TRIO: variants seen among roughly 807,000 people sequenced by gnomAD.
TRIO encodes the protein triple functional domain protein.
In TRIO, 58 loss-of-function variants were observed where a neutral mutation model predicts 351.9. The observed-to-expected ratio is 0.16, with a 90% confidence interval of 0.13 to 0.21. The LOEUF (loss-of-function observed/expected upper bound fraction) is 0.21, where lower values mean the gene tolerates loss of function less well. Among genes scored for constraint, TRIO ranks in the 10% least tolerant of loss-of-function variants. The pLI is 1.00. For synonymous variants in TRIO, 1,758 were observed against 1,595.7 expected (o/e 1.10, Z -2.42); for missense variants, 3,201 against 4,027.8 (o/e 0.79, Z 5.56).
At chr5:14,251,617 CA>C (rs891785775) in intron 1 of TRIO, among the ~76,000 whole-genome samples, 3 of 152,222 alleles carry the variant, frequency 2.0e-5, no homozygotes, top group Non-Finnish European at 4.4e-5. Context: ...TCCCTCTGGA[CA>C]GCATAGGCTC....
intron 1 of TRIO, among the ~76,000 whole-genome samples, chr5:14,269,270 C>T (rs556947124): frequency 3.3e-5 from 5 of 152,178 alleles, no homozygotes; most frequent in African/African-American, 4.8e-5. Flanking sequence ...TGGACAGGAG[C>T]GATTTACATT....
At chr5:14,166,822 C>T (rs1246043737) in intron 1 of TRIO, among the ~76,000 whole-genome samples, 12 of 152,050 alleles carry the variant, frequency 7.9e-5, no homozygotes, top group South Asian at 2.1e-4. Flanking sequence ...GAAAGGGAGA[C>T]GGTAGATTCT....
chr5:14,336,107 C>T (rs956863083), intron 10 of TRIO, among the ~76,000 whole-genome samples: 1 of 152,190 alleles, frequency 6.6e-6, no homozygotes, highest in Admixed American at 6.5e-5. Context: ...ACTTGTACTT[C>T]GAGAATTATC....
intron 34 of TRIO, among the ~76,000 whole-genome samples, chr5:14,422,801 ACT>A (rs1367344767): frequency 6.6e-6 from 1 of 152,140 alleles, no homozygotes; most frequent in Non-Finnish European, 1.5e-5. Context: ...CTGAAACAAG[ACT>A]CTGCTGTGAA....
At chr5:14,342,830 T>C (rs1006939934) in intron 11 of TRIO, among the ~76,000 whole-genome samples, 3 of 152,208 alleles carry the variant, frequency 2.0e-5, no homozygotes, top group Non-Finnish European at 4.4e-5. Flanking sequence ...AATAAATCTA[T>C]TGTTGAAAAT....
chr5:14,248,667 C>G (rs1794577342), intron 1 of TRIO, among the ~76,000 whole-genome samples: 1 of 152,202 alleles, frequency 6.6e-6, no homozygotes, highest in Admixed American at 6.5e-5. Context: ...CTTGTTCATC[C>G]TCCCTCGCTG....
In TRIO at chr5:14,474,021, G is replaced by A. The variant is rs1389690285; in HGVS notation, c.6007G>A (p.Gly2003Ser). Reference sequence around the variant, plus strand: ...CTACATGGCACTTATGAAAGAAGATGGTGTTCCTGATGACATGAAAGGAAA... The same window carrying A: ...CTACATGGCACTTATGAAAGAAGATAGTGTTCCTGATGACATGAAAGGAAA... ...EGYMALMKED[G>S]VPDDMKGKDK... Residue 2003 changes from glycine to serine, a missense_variant, in exon 40 of 57, where the codon GGT becomes AGT. Gly to Ser is a moderately conservative substitution (Grantham distance 56, BLOSUM62 0). Around this residue, in one of 19 missense-constraint regions of TRIO, gnomAD observed 307 missense variants for 396.5 expected, o/e 0.77. Transcript: ENST00000344204. 1 of 1,613,378 alleles carries A rather than the reference G, an allele frequency of 6.2e-7. No homozygotes were observed. The highest frequency in any genetic ancestry group is 1.1e-5 in the South Asian group (1 of 91,022).
intron 33 of TRIO, among the ~76,000 whole-genome samples, chr5:14,413,509 G>C (rs954889929): frequency 3.9e-5 from 6 of 152,248 alleles, no homozygotes; most frequent in Non-Finnish European, 8.8e-5. Context: ...GGCGAGCTCT[G>C]AGTGATGGGT....
intron 1 of TRIO, among the ~76,000 whole-genome samples, chr5:14,262,591 T>A (rs970758966): frequency 5.3e-5 from 8 of 152,000 alleles, no homozygotes; most frequent in Non-Finnish European, 1.0e-4. Flanking sequence ...ATTAAGAACA[T>A]CTATTAGGAG....
intron 2 of TRIO, among the ~76,000 whole-genome samples, chr5:14,280,109 A>G (rs775634370): frequency 2.0e-5 from 3 of 152,230 alleles, no homozygotes; most frequent in Non-Finnish European, 4.4e-5. Flanking sequence ...CATATGTAGT[A>G]CCTTCCATGT....
chr5:14,195,414 C>G (rs1454950673), intron 1 of TRIO, among the ~76,000 whole-genome samples: 1 of 152,120 alleles, frequency 6.6e-6, no homozygotes, highest in Non-Finnish European at 1.5e-5. Context: ...ATATGCCTGT[C>G]CTATGGGTGA....
intron 2 of TRIO, among the ~76,000 whole-genome samples, chr5:14,279,884 A>G (rs988736701): frequency 6.6e-6 from 1 of 152,192 alleles, no homozygotes; most frequent in African/African-American, 2.4e-5. Context: ...CTTTCCTTTC[A>G]AGACTTAGAC....
At chr5:14,451,111 G>A (rs1752822125) in intron 34 of TRIO, among the ~76,000 whole-genome samples, 1 of 152,210 alleles carries the variant, frequency 6.6e-6, no homozygotes, top group Admixed American at 6.5e-5. Context: ...TACTGGGCAA[G>A]TCAGTTGCTT....
chr5:14,476,878 T>C lies in TRIO; in HGVS notation c.6084-16T>C, dbSNP rs1444021046. On this transcript the variant is annotated splice_polypyrimidine_tract_variant and intron_variant, in intron 40 of 56. Transcript: ENST00000344204. ...CACACTGGAAATAGTTCTAATATTT[T>C]CTCCTTTCTTTCCAGCTTTTTTTTA... 2 of 1,608,414 alleles carry C rather than the reference T, an allele frequency of 1.2e-6. No homozygotes were observed. Among genetic ancestry groups the C allele is most frequent in the South Asian group, 2.2e-5 (2 of 90,350 alleles).
intron 1 of TRIO, among the ~76,000 whole-genome samples, chr5:14,175,186 T>C (rs1057434250): frequency 2.6e-5 from 4 of 152,212 alleles, no homozygotes; most frequent in Non-Finnish European, 4.4e-5. Context: ...AAATTGCTGG[T>C]TGGAATTGAG....
chr5:14,498,729 C>T, intron 53 of TRIO, 89 bp downstream of exon 53: 1 of 1,554,218 alleles, frequency 6.4e-7, no homozygotes. Context: ...CCTTACACTC[C>T]AAGTGGCCTG....
intron 1 of TRIO, among the ~76,000 whole-genome samples, chr5:14,218,105 T>G (rs1366226463): frequency 6.6e-6 from 1 of 152,154 alleles, no homozygotes; most frequent in Non-Finnish European, 1.5e-5. Context: ...ACAGGTTGGA[T>G]TTTAAAATGC....
chr5:14,162,359 C>T (rs913027595), intron 1 of TRIO, among the ~76,000 whole-genome samples: 6 of 152,264 alleles, frequency 3.9e-5, no homozygotes, highest in African/African-American at 9.6e-5. Flanking sequence ...GAAATCATGT[C>T]GTAAATTATC....
chr5:14,318,591 T>G (rs1259490809), intron 9 of TRIO, among the ~76,000 whole-genome samples: 1 of 152,266 alleles, frequency 6.6e-6, no homozygotes, highest in Non-Finnish European at 1.5e-5. Context: ...TTTGTTATTA[T>G]TCATGCTTCT....
Sources: allele counts gnomAD v4.1 joint callset (sites outside exome capture counted in the v4.1 genomes callset), GRCh38; gene constraint gnomAD v4.1.1; regional missense constraint gnomAD v4.1.1; transcripts MANE v1.5; gene names NCBI Gene and HGNC (gene_info 2026-07-23, HGNC 2026-07-21).